SGCE: variants seen among roughly 807,000 people sequenced by gnomAD.
SGCE encodes sarcoglycan epsilon, also known as epsilon-sarcoglycan.
In SGCE, 26 loss-of-function variants were observed where a neutral mutation model predicts 57.8. That is an observed-to-expected ratio of 0.45 (90% confidence interval 0.33 to 0.62). SGCE has a LOEUF of 0.62. SGCE is among the 20% of genes least tolerant of loss of function. SGCE has a pLI of 0.02. For synonymous variants in SGCE, 183 were observed against 189.5 expected, an observed-to-expected ratio of 0.97 and a Z score of 0.28; for missense variants, 468 against 548.6, an observed-to-expected ratio of 0.85 and a Z score of 1.47.
At chr7:94,597,341 A>G (rs1798546308) in intron 9 of SGCE, 1 of 152,156 alleles carries the variant, frequency 6.6e-6, no homozygotes, top group South Asian at 2.1e-4. Flanking sequence ...AATATTCATA[A>G]TACTTTTGGG....
chr7:94,585,666 T>G, intron 10 of SGCE, 151 bp from the exon 11 acceptor site: 1 of 644,968 alleles, frequency 1.6e-6, no homozygotes, highest in Non-Finnish European at 2.8e-6. Context: ...TGTATTTGGT[T>G]TTTTTAAAAA....
chr7:94,593,611 G>C (rs1437693327), intron 9 of SGCE, among the ~76,000 whole-genome samples: 1 of 151,876 alleles, frequency 6.6e-6, no homozygotes, highest in Admixed American at 6.6e-5. Flanking sequence ...AGCTGTTCCA[G>C]GCACTGTTTT....
chr7:94,629,787 C>A lies in SGCE; in HGVS notation c.164G>T (p.Gly55Val). 1 of 1,611,006 alleles carries A rather than the reference C, an allele frequency of 6.2e-7. No homozygotes were observed. The highest frequency in any genetic ancestry group is 8.5e-7 in the Non-Finnish European group (1 of 1,177,706). The change falls in exon 2 of 11, where the codon GGT becomes GTT. Residue 55 changes from glycine (G) to valine (V), a missense_variant. By Grantham distance (109) the Gly-to-Val change is moderately radical (BLOSUM62 -3). Coordinates refer to ENST00000648936, the MANE Select transcript of SGCE (RefSeq NM_003919.3). Reference protein sequence around the residue: ...HSDRNVYPSAGVLFVHVLERE... With the variant: ...HSDRNVYPSAVVLFVHVLERE... ...TTCCAAAACATGAACAAAGAGGACACCTGCTGATGGGTATACATTCCGATC... is the reference window on the plus strand; with the variant it reads ...TTCCAAAACATGAACAAAGAGGACAACTGCTGATGGGTATACATTCCGATC...
chr7:94,632,808 C>G (rs528044366), intron 1 of SGCE, among the ~76,000 whole-genome samples: 1 of 152,072 alleles, frequency 6.6e-6, no homozygotes, highest in East Asian at 1.9e-4. Context: ...TCAAAAACAA[C>G]AAATGACACA....
At chr7:94,620,452 C>T (rs564634664) in intron 4 of SGCE, 27 of 152,150 alleles carry the variant, frequency 1.8e-4, no homozygotes, top group South Asian at 1.5e-3. Context: ...AAATAAATTT[C>T]GTTTTATAGA....
At chr7:94,604,381 C>A (rs1280289244) in intron 5 of SGCE, among the ~76,000 whole-genome samples, 1 of 151,622 alleles carries the variant, frequency 6.6e-6, no homozygotes, top group Non-Finnish European at 1.5e-5. Flanking sequence ...TCCTAAAATT[C>A]CTAAGGAAGT....
chr7:94,598,923 T>G lies in SGCE; in HGVS notation c.1105A>C (p.Lys369Gln). 6.2e-7 allele frequency: 1 copy of G among 1,613,966 alleles called. No homozygotes were observed. The highest frequency in any genetic ancestry group is 1.1e-5 in the South Asian group (1 of 91,082). Residue 369 changes from lysine to glutamine, a missense_variant, in exon 9 of 11, where the codon AAG becomes CAG. By Grantham distance (53) the Lys-to-Gln change is moderately conservative. Transcript: ENST00000648936. ...TTCTTGGACATGTCTCGAAGCTCCT[T>G]GGTAGATTTCTGAATAGCACTGTGA... is the stretch of plus-strand genomic sequence containing the variant. ...VHHSAIQKST[K>Q]ELRDMSKNRE...
Position 94,656,133 on chromosome 7 carries a change from C to G in SGCE, c.-35G>C. Reference sequence around the variant, plus strand: ...GGCTAGGCCGTCCGTCCTCGATTCTCCCCTCCCCTCCCTTTCTTCTTCCCT... The same window carrying G: ...GGCTAGGCCGTCCGTCCTCGATTCTGCCCTCCCCTCCCTTTCTTCTTCCCT... On this transcript the variant is annotated 5_prime_UTR_variant, in exon 1 of 11. Coordinates refer to ENST00000648936, the MANE Select transcript of SGCE (RefSeq NM_003919.3). The G allele has an allele frequency of 8.3e-7, 1 of 1,202,674 alleles. No homozygotes were observed. The highest frequency in any genetic ancestry group is 1.2e-6 in the Non-Finnish European group (1 of 806,942). The allele number at this position is 1,202,674 out of a possible 1,614,324, so 74.5% of individuals were successfully genotyped here. A position where few individuals can be genotyped will look rare whatever the true frequency, so the allele number is the denominator to read the frequency against.
chr7:94,611,780 G>C (rs1327154210), intron 5 of SGCE, among the ~76,000 whole-genome samples: 1 of 151,954 alleles, frequency 6.6e-6, no homozygotes, highest in African/African-American at 2.4e-5. Context: ...CTGTGTTCGA[G>C]AATATGTTCA....
chr7:94,629,889 T>A, intron 1 of SGCE, 48 bp from the exon 2 acceptor site: 1 of 1,595,338 alleles, frequency 6.3e-7, no homozygotes, highest in African/African-American at 1.3e-5. Context: ...AATAATGAGA[T>A]ACGCCCTTGA....
rs761449603 is a variant in SGCE at position 94,618,752 on chromosome 7, G to A, written c.662+6C>T. The A allele has an allele frequency of 3.7e-6, 6 of 1,610,434 alleles. No homozygotes were observed. In the Admixed American group the frequency reaches 1.0e-4, roughly 27 times the overall value. Reference sequence around the variant, plus strand: ...ATTTAAGGCAATGAGATAAAGATCTGCTTACCCCTCCTTCAGGTCATTAAT... The same window carrying A: ...ATTTAAGGCAATGAGATAAAGATCTACTTACCCCTCCTTCAGGTCATTAAT... On this transcript the variant is annotated splice_donor_region_variant and intron_variant, in intron 5 of 10. Transcript: ENST00000648936.
chr7:94,595,196 C>T (rs899018623), intron 9 of SGCE, among the ~76,000 whole-genome samples: 1 of 152,042 alleles, frequency 6.6e-6, no homozygotes, highest in Non-Finnish European at 1.5e-5. Context: ...AACATTCTAC[C>T]AAAAAGAAAA....
chr7:94,621,405 T>C (rs1802754067), intron 4 of SGCE: 1 of 152,256 alleles, frequency 6.6e-6, no homozygotes, highest in African/African-American at 2.4e-5. Context: ...ACCCGTTATT[T>C]AGACAAAGAG....
At chr7:94,609,772 T>C (rs893744874) in intron 5 of SGCE, among the ~76,000 whole-genome samples, 6 of 152,194 alleles carry the variant, frequency 3.9e-5, no homozygotes, top group African/African-American at 1.4e-4. Flanking sequence ...GAATGCAAGA[T>C]GGTGTAGCCA....
chr7:94,649,280 G>T (rs1288375659), intron 1 of SGCE, among the ~76,000 whole-genome samples: 1 of 152,184 alleles, frequency 6.6e-6, no homozygotes, highest in South Asian at 2.1e-4. Context: ...CTACCAAAGA[G>T]TGACCGAAGA....
chr7:94,602,187 C>T (rs777171988), intron 6 of SGCE, among the ~76,000 whole-genome samples: 15 of 152,162 alleles, frequency 9.9e-5, no homozygotes, highest in South Asian at 2.1e-4. Context: ...TGCAGCTGCT[C>T]AGTCTCCTGC....
chr7:94,591,849 A>C (rs1797715808), intron 9 of SGCE, among the ~76,000 whole-genome samples: 2 of 152,222 alleles, frequency 1.3e-5, no homozygotes, highest in Admixed American at 1.3e-4. Context: ...TTCGGAGAAG[A>C]TGCATAAGAA....
chr7:94,623,567 A>G, intron 3 of SGCE, 170 bp from the exon 4 acceptor site: 1 of 596,328 alleles, frequency 1.7e-6, no homozygotes, highest in South Asian at 2.2e-5. Flanking sequence ...TTTTAGCAAT[A>G]TTATGGGAAA....
At chr7:94,598,558 T>C (rs1485583241) in intron 9 of SGCE, 1 of 569,596 alleles carries the variant, frequency 1.8e-6, no homozygotes, top group Non-Finnish European at 3.1e-6. Flanking sequence ...GTATATGTAG[T>C]CTTGTTTGGA....
Sources: gnomAD v4.1 joint callset for allele counts (sites outside exome capture counted in the v4.1 genomes callset) on GRCh38, gnomAD v4.1.1 for gene constraint, MANE v1.5 for transcripts, NCBI Gene and HGNC (gene_info 2026-07-23, HGNC 2026-07-21) for gene names.